Variants in PTCH1 observed in about 807,000 individuals in gnomAD.
PTCH1 encodes the protein patched 1.
A neutral mutation model predicts 144.6 loss-of-function variants in PTCH1; 14 were observed. The observed-to-expected ratio is 0.10, with a 90% CI of 0.06 to 0.15. PTCH1 has a LOEUF of 0.15. Ranked by LOEUF, PTCH1 falls within the 10% of genes least tolerant of loss-of-function variation. The pLI is 1.00. For missense variants in PTCH1, 1,623 were observed against 1,948.3 expected (o/e 0.83, Z 3.14); for synonymous variants, 833 against 793.6 (o/e 1.05, Z -0.83).
chr9:95,502,785 G>C (rs1222632979), intron 2 of PTCH1, among the ~76,000 whole-genome samples: 1 of 152,080 alleles, frequency 6.6e-6, no homozygotes, highest in Admixed American at 6.5e-5. Context: ...CATTGTGGCT[G>C]ATGTATTCTG....
intron 2 of PTCH1, among the ~76,000 whole-genome samples, chr9:95,499,877 C>A (rs951755840): frequency 1.3e-5 from 2 of 151,946 alleles, no homozygotes; most frequent in Admixed American, 6.6e-5. Flanking sequence ...AAGGCGGCCA[C>A]CAAAGCGCCC....
chr9:95,508,032 GGTGTGAGTGA>G, intron 1 of PTCH1, 119 bp downstream of exon 1: 1 of 1,515,656 alleles, frequency 6.6e-7, no homozygotes, highest in Non-Finnish European at 8.8e-7. Context: ...TTCCTGGAGA[GGTGTGAGTGA>G]GTGTGTGTGT....
Position 95,458,416 on chromosome 9 carries a change from C to T in PTCH1, c.2888-123G>A, listed in dbSNP as rs1839160491. The stretch of plus-strand genomic sequence containing the variant: ...CTGCTCTTCTACATGATACAAAGAA[C>T]AAACAATGCTGATCATAGCCTCCAG... On this transcript the variant is annotated intron_variant, in intron 17 of 23. Transcript: ENST00000331920. This position sits in a 1 kb window ranked among gnomAD's most constrained non-coding sequence, Gnocchi z 4.7. The T allele has an allele frequency of 1.6e-6, 2 of 1,286,226 alleles. No individual in the cohort carries two copies. The highest frequency in any genetic ancestry group is 1.1e-6 in the Non-Finnish European group (1 of 910,080). 79.7% of individuals were successfully genotyped at this position (1,286,226 alleles called of 1,614,324 possible).
chr9:95,482,352 C>T (rs1175040853), intron 3 of PTCH1, 149 bp from the exon 4 acceptor site: 39 of 734,006 alleles, frequency 5.3e-5, no homozygotes, highest in Non-Finnish European at 9.1e-6. Flanking sequence ...CAAGTAGAGA[C>T]CCAGCAAGCT....
At chr9:95,505,417 G>A (rs560580114) in intron 2 of PTCH1, among the ~76,000 whole-genome samples, 70 of 152,256 alleles carry the variant, frequency 4.6e-4, no homozygotes, top group African/African-American at 1.7e-3. Context: ...TTTGGAACTT[G>A]CCAAAAAGAT....
chr9:95,475,193 G>C (rs1187091724), intron 12 of PTCH1, among the ~76,000 whole-genome samples: 1 of 152,202 alleles, frequency 6.6e-6, no homozygotes, highest in Non-Finnish European at 1.5e-5. Context: ...TCCAGGCGCA[G>C]AACGGACTAC....
At chr9:95,459,388 C>T (rs184220192) in intron 17 of PTCH1, among the ~76,000 whole-genome samples, 8 of 152,284 alleles carry the variant, frequency 5.3e-5, no homozygotes, top group Admixed American at 2.0e-4. Context: ...CGAATGGAGA[C>T]GAGACACTGA....
intron 15 of PTCH1, among the ~76,000 whole-genome samples, chr9:95,464,647 G>C (rs1355685008): frequency 1.3e-5 from 2 of 152,136 alleles, no homozygotes; most frequent in Non-Finnish European, 2.9e-5. Context: ...TTTAAGATGT[G>C]ACATGTGGGA....
At chr9:95,462,764 A>G (rs558562388) in intron 15 of PTCH1, among the ~76,000 whole-genome samples, 1 of 152,308 alleles carries the variant, frequency 6.6e-6, no homozygotes, top group Non-Finnish European at 1.5e-5. Flanking sequence ...ACAAACCACA[A>G]GCCGGGGAGG....
intron 15 of PTCH1, 47 bp downstream of exon 15, chr9:95,467,069 G>C (rs200999691): frequency 6.3e-7 from 1 of 1,582,608 alleles, no homozygotes; most frequent in East Asian, 2.2e-5. Flanking sequence ...TGTTGAAGCT[G>C]AACACGCAAA....
At position 95,456,344 on chromosome 9, in the gene PTCH1, C is replaced by A. The variant is rs2136648856; in HGVS notation, c.3238G>T (p.Ala1080Ser). 1 of 1,614,124 alleles carries A rather than the reference C, an allele frequency of 6.2e-7. No individual in the cohort carries two copies. Among genetic ancestry groups the A allele is most frequent in the Non-Finnish European group, 8.5e-7 (1 of 1,180,042 alleles). Residue 1080 changes from alanine (A) to serine (S), a missense_variant, in exon 19 of 24, where the codon GCC becomes TCC. Physicochemically the swap from Ala to Ser is moderately conservative, Grantham distance 99 (BLOSUM62 1). This residue lies in a region of PTCH1 where 504 missense variants were observed against 679.3 expected (regional missense o/e 0.74). Transcript: ENST00000331920. The stretch of plus-strand genomic sequence containing the variant: ...GCGATCAGGATGACCACGGGCACGG[C>A]ACTGAGCTTGATTCCGATGAGGCCC... ...MMGLIGIKLS[A>S]VPVVILIASV... is the part of the protein sequence containing the mutation.
chr9:95,464,441 A>G (rs1338248850), intron 15 of PTCH1, among the ~76,000 whole-genome samples: 4 of 152,230 alleles, frequency 2.6e-5, no homozygotes, highest in African/African-American at 4.8e-5. Flanking sequence ...TTTTGTGTCA[A>G]TAATTATTTT....
chr9:95,447,501 G>T (rs372734523), intron 22 of PTCH1, 50 bp from the exon 23 acceptor site: 3 of 1,487,622 alleles, frequency 2.0e-6, no homozygotes, highest in Non-Finnish European at 2.7e-6. Flanking sequence ...GGCTGGGCAT[G>T]GTCCCCGCAG....
In PTCH1 at chr9:95,447,360, C is replaced by T. The variant is rs773133083; in HGVS notation, c.3896G>A (p.Gly1299Asp). 6.2e-7 allele frequency: 1 copy of T among 1,613,446 alleles called. No homozygotes were observed. Among genetic ancestry groups the T allele is most frequent in the South Asian group, 1.1e-5 (1 of 91,064 alleles). Reference protein sequence around the residue: ...DSGSLPPGRQGQQPRRDPPRE... With the variant: ...DSGSLPPGRQDQQPRRDPPRE... ...GGGGGGGTCCCTGCGGGGCTGCTGG[C>T]CTTGCCGTCCGGGAGGCAGGGACCC... Residue 1299 changes from glycine to aspartate, a missense_variant, in exon 23 of 24, where the codon GGC (glycine) becomes GAC (aspartate). Coordinates refer to ENST00000331920, the MANE Select transcript of PTCH1 (RefSeq NM_000264.5).
In PTCH1 at chr9:95,461,815, G is replaced by C. The variant is rs940265681; in HGVS notation, c.2703+41C>G. On this transcript the variant is annotated intron_variant, in intron 16 of 23. Transcript: ENST00000331920. ...CAGCCTCCACCAGGGCAGCGGCCCCGCAGCCCTGGAAGCGCCCTCAGTGCC... is the reference window on the plus strand; with the variant it reads ...CAGCCTCCACCAGGGCAGCGGCCCCCCAGCCCTGGAAGCGCCCTCAGTGCC... The C allele has an allele frequency of 4.3e-6, 7 of 1,612,490 alleles. No individual in the cohort carries two copies. In the African/African-American group the frequency reaches 9.4e-5, roughly 22 times the overall value.
chr9:95,514,681 GAC>G (rs1454688483), intron 1 of PTCH1, among the ~76,000 whole-genome samples: 1 of 151,802 alleles, frequency 6.6e-6, no homozygotes. Flanking sequence ...AAAAACGGGA[GAC>G]ATATTTTAAT....
Position 95,476,805 on chromosome 9 carries a change from G to T in PTCH1, c.1556C>A (p.Ala519Asp). The stretch of plus-strand genomic sequence containing the variant: ...CTGTCCTGTTTCACTGAAGGCGTGG[G>T]CCAGAAGAAAAACATCATCCACACC... ...GVGVDDVFLL[A>D]HAFSETGQNK... Residue 519 changes from alanine (A) to aspartate (D), a missense_variant, in exon 11 of 24, where the codon GCC becomes GAC. By Grantham distance (126) the Ala-to-Asp change is moderately radical. Transcript: ENST00000331920. This position sits in a 1 kb window ranked among gnomAD's most constrained non-coding sequence, Gnocchi z 4.6. 1 of 1,614,050 alleles carries T rather than the reference G, an allele frequency of 6.2e-7. No homozygotes were observed. The highest frequency in any genetic ancestry group is 8.5e-7 in the Non-Finnish European group (1 of 1,179,952).
chr9:95,474,154 A>G lies in PTCH1; in HGVS notation c.1728+1880T>C, dbSNP rs781672893. 1.5e-5 allele frequency: 7 copies of G among 452,054 alleles called. No individual in the cohort carries two copies. The Middle Eastern group carries it at 1.0e-3, about 66-fold the overall frequency. 28.0% of individuals were successfully genotyped at this position (452,054 alleles called of 1,614,324 possible). A position where few individuals can be genotyped will look rare whatever the true frequency, so the allele number is the denominator to read the frequency against. On this transcript the variant is annotated intron_variant, in intron 12 of 23. Transcript: ENST00000331920. ...AGCCATCAGTATGTACTAAGAGAGG[A>G]GAGGAGAGAATGAGAGAGAAAAGAA... is the stretch of plus-strand genomic sequence containing the variant.
At chr9:95,451,306 T>C (rs574686059) in intron 20 of PTCH1, 3 of 152,310 alleles carry the variant, frequency 2.0e-5, no homozygotes, top group African/African-American at 7.2e-5. Context: ...ACAGGCCAAT[T>C]AGATTTCTGA....
Sources: gnomAD v4.1 joint callset for allele counts (sites outside exome capture counted in the v4.1 genomes callset) on GRCh38, gnomAD v4.1.1 for gene constraint, gnomAD v4.1.1 regional missense constraint, Gnocchi (gnomAD v3.1) non-coding constraint, MANE v1.5 for transcripts, NCBI Gene and HGNC (gene_info 2026-07-23, HGNC 2026-07-21) for gene names.